The following HCN1 variants were observed in gnomAD, a reference collection of about 807,000 sequenced individuals.
The protein encoded by HCN1 is potassium/sodium hyperpolarization-activated cyclic nucleotide-gated channel 1.
A neutral mutation model predicts 78.9 loss-of-function variants in HCN1; 13 were observed. The ratio of observed to expected loss-of-function variants is 0.16; its 90% confidence interval spans 0.11 to 0.26. The LOEUF is 0.26. Ranked by LOEUF, HCN1 falls within the 10% of genes least tolerant of loss-of-function variation. HCN1 has a pLI of 1.00. For synonymous variants in HCN1, 552 were observed against 455.5 expected, an observed-to-expected ratio of 1.21 and a Z score of -2.70; for missense variants, 810 against 1,154.3, an observed-to-expected ratio of 0.70 and a Z score of 4.32.
chr5:45,444,184 TGCTCTGTCAA>T (rs1245063470), intron 3 of HCN1, among the ~76,000 whole-genome samples: 1 of 152,180 alleles, frequency 6.6e-6, no homozygotes, highest in African/African-American at 2.4e-5. Flanking sequence ...AATATCTAAA[TGCTCTGTCAA>T]ATAATCAAGT....
chr5:45,532,232 C>A (rs1357417564), intron 2 of HCN1, among the ~76,000 whole-genome samples: 2 of 152,154 alleles, frequency 1.3e-5, no homozygotes, highest in African/African-American at 4.8e-5. Context: ...GACCACAAAT[C>A]TTATTATTCT....
chr5:45,374,247 GTACATTATATACATAACATATATATTATA>G (rs1561130440), intron 4 of HCN1, among the ~76,000 whole-genome samples: 54 of 93,770 alleles, frequency 5.8e-4, no homozygotes, highest in Non-Finnish European at 8.6e-4. Flanking sequence ...TATATATTAT[GTACATTATATACATAACATATATATTATA>G]TACATTATAT....
chr5:45,488,783 C>T (rs774926703), intron 2 of HCN1, among the ~76,000 whole-genome samples: 2 of 152,108 alleles, frequency 1.3e-5, no homozygotes, highest in African/African-American at 2.4e-5. Flanking sequence ...TGCTGTTCCT[C>T]CAGCCATTCC....
chr5:45,666,599 G>C (rs531465538), intron 1 of HCN1, among the ~76,000 whole-genome samples: 1 of 152,034 alleles, frequency 6.6e-6, no homozygotes, highest in South Asian at 2.1e-4. Context: ...AAAATATTTT[G>C]TATTTTTGTA....
At chr5:45,289,366 C>T (rs1331621993) in intron 6 of HCN1, among the ~76,000 whole-genome samples, 1 of 152,040 alleles carries the variant, frequency 6.6e-6, no homozygotes, top group Non-Finnish European at 1.5e-5. Flanking sequence ...ACCCTGGTTG[C>T]TTTCATGCAG....
At chr5:45,415,476 G>A (rs1370130912) in intron 3 of HCN1, among the ~76,000 whole-genome samples, 2 of 151,948 alleles carry the variant, frequency 1.3e-5, no homozygotes, top group African/African-American at 4.8e-5. Flanking sequence ...CAAAACCTAA[G>A]ATTGTACTCC....
intron 2 of HCN1, among the ~76,000 whole-genome samples, chr5:45,485,797 G>A (rs886264960): frequency 1.3e-5 from 2 of 152,144 alleles, no homozygotes; most frequent in African/African-American, 2.4e-5. Flanking sequence ...CTCATGTGGT[G>A]TGCAGGGGGT....
intron 4 of HCN1, among the ~76,000 whole-genome samples, chr5:45,393,450 G>C (rs6874677): frequency 0.32 from 49,180 of 152,016 alleles, 10,291 homozygotes; most frequent in African/African-American, 0.58. Context: ...GCTAGATGAA[G>C]TGCAATTATA....
At chr5:45,445,556 G>C (rs1740773491) in intron 3 of HCN1, among the ~76,000 whole-genome samples, 1 of 152,226 alleles carries the variant, frequency 6.6e-6, no homozygotes, top group African/African-American at 2.4e-5. Context: ...CATGCAGCTG[G>C]AGATCTGAGA....
chr5:45,304,220 C>T (rs1745683258), intron 5 of HCN1, among the ~76,000 whole-genome samples: 1 of 151,916 alleles, frequency 6.6e-6, no homozygotes. Context: ...AGCCATATCA[C>T]TTCCTATTAG....
chr5:45,460,177 A>G (rs1741116675), intron 3 of HCN1, among the ~76,000 whole-genome samples: 2 of 152,122 alleles, frequency 1.3e-5, no homozygotes, highest in South Asian at 2.1e-4. Context: ...TATTACAACA[A>G]TGTTGGGAGG....
chr5:45,343,442 A>G (rs993802675), intron 5 of HCN1, among the ~76,000 whole-genome samples: 1 of 152,202 alleles, frequency 6.6e-6, no homozygotes, highest in African/African-American at 2.4e-5. Context: ...GTTTAGGACA[A>G]TGGCAGTGGG....
intron 2 of HCN1, among the ~76,000 whole-genome samples, chr5:45,638,098 G>C (rs1248177888): frequency 6.6e-6 from 1 of 152,142 alleles, no homozygotes; most frequent in Non-Finnish European, 1.5e-5. Context: ...GGAAGTAGTA[G>C]AATCAGTAGG....
chr5:45,510,658 T>C (rs780732122), intron 2 of HCN1, among the ~76,000 whole-genome samples: 4 of 152,102 alleles, frequency 2.6e-5, no homozygotes, highest in Non-Finnish European at 4.4e-5. Context: ...CAGCCCTGTT[T>C]TGATGACTAA....
intron 1 of HCN1, among the ~76,000 whole-genome samples, chr5:45,672,792 G>C (rs940117814): frequency 6.6e-6 from 1 of 151,134 alleles, no homozygotes; most frequent in African/African-American, 2.4e-5. Context: ...TGAGTCTTTC[G>C]CTGCTAAAAG....
chr5:45,413,580 G>C (rs1453879346), intron 3 of HCN1, among the ~76,000 whole-genome samples: 1 of 151,220 alleles, frequency 6.6e-6, no homozygotes, highest in African/African-American at 2.5e-5. Context: ...AGCAAATTGC[G>C]TAAGTAAGAT....
intron 2 of HCN1, among the ~76,000 whole-genome samples, chr5:45,537,466 G>C (rs893065952): frequency 2.3e-5 from 3 of 129,250 alleles, no homozygotes; most frequent in African/African-American, 8.5e-5. Flanking sequence ...TGATTCTCCT[G>C]CAAAAAGGTT....
Position 45,549,071 on chromosome 5 carries a change from C to T in HCN1, c.850-87064G>A, listed in dbSNP as rs541691745. ...AATATCATGAAAATGGCCATACTGC[C>T]CAAGGTAATTTATAGATTCAATGCC... is the stretch of plus-strand genomic sequence containing the variant. On this transcript the variant is annotated intron_variant, in intron 2 of 7. Transcript: ENST00000303230. 2.0e-5 allele frequency among the ~76,000 whole-genome samples: 3 copies of T among 151,668 alleles called. No homozygotes were observed. The South Asian group carries it at 6.3e-4, about 32-fold the overall frequency.
intron 4 of HCN1, among the ~76,000 whole-genome samples, chr5:45,365,781 T>A (rs1251653733): frequency 1.3e-5 from 2 of 151,884 alleles, no homozygotes; most frequent in Non-Finnish European, 2.9e-5. Flanking sequence ...TTACTTATTT[T>A]TTTTAAAAAA....
Sources: allele counts gnomAD v4.1 joint callset (sites outside exome capture counted in the v4.1 genomes callset), GRCh38; gene constraint gnomAD v4.1.1; transcripts MANE v1.5; gene names NCBI Gene and HGNC (gene_info 2026-07-23, HGNC 2026-07-21).